Variants in LRP1B observed in about 807,000 individuals in gnomAD.
The protein encoded by LRP1B is LDL receptor related protein 1B.
LRP1B carries 217 observed loss-of-function variants against 556.6 expected under a neutral mutation model. The observed-to-expected ratio is 0.39, with a 90% CI of 0.35 to 0.44. The LOEUF (loss-of-function observed/expected upper bound fraction) is 0.44, where lower values mean the gene tolerates loss of function less well. Ranked by LOEUF, LRP1B falls within the 20% of genes least tolerant of loss-of-function variation. LRP1B has a pLI of 1.00. For synonymous variants in LRP1B, 2,047 were observed against 1,865.8 expected (o/e 1.10, Z -2.50); for missense variants, 5,053 against 5,620.8 (o/e 0.90, Z 3.23).
At chr2:142,097,432 C>A (rs963040356) in intron 1 of LRP1B, among the ~76,000 whole-genome samples, 1 of 151,292 alleles carries the variant, frequency 6.6e-6, no homozygotes, top group African/African-American at 2.4e-5. Flanking sequence ...AAAAAAGAAG[C>A]AACAGTTTAC....
intron 31 of LRP1B, among the ~76,000 whole-genome samples, chr2:140,821,122 T>G (rs1691314967): frequency 1.3e-5 from 2 of 152,118 alleles, no homozygotes; most frequent in South Asian, 4.1e-4. Flanking sequence ...CTCATTCAAA[T>G]GGCTTTTAAT....
chr2:140,696,338 A>C (rs1574251825), intron 41 of LRP1B, among the ~76,000 whole-genome samples: 1 of 152,252 alleles, frequency 6.6e-6, no homozygotes, highest in East Asian at 1.9e-4. Context: ...GGTTAAGCAA[A>C]GGGCAACTTC....
At chr2:141,250,306 C>T (rs1052381195) in intron 4 of LRP1B, among the ~76,000 whole-genome samples, 1 of 152,050 alleles carries the variant, frequency 6.6e-6, no homozygotes, top group Admixed American at 6.6e-5. Context: ...CATGAAAATA[C>T]CAAACAGTGG....
intron 2 of LRP1B, among the ~76,000 whole-genome samples, chr2:141,701,011 T>G (rs1286837482): frequency 6.6e-6 from 1 of 151,834 alleles, no homozygotes; most frequent in Admixed American, 6.6e-5. Context: ...TCTTAGAATC[T>G]AATTCTCCTC....
chr2:141,657,380 T>A (rs934544265), intron 2 of LRP1B, among the ~76,000 whole-genome samples: 3 of 152,124 alleles, frequency 2.0e-5, no homozygotes, highest in African/African-American at 7.2e-5. Flanking sequence ...CAAATAAATT[T>A]TATTCTTGGC....
At chr2:140,969,022 G>C (rs1326056293) in intron 18 of LRP1B, among the ~76,000 whole-genome samples, 1 of 152,202 alleles carries the variant, frequency 6.6e-6, no homozygotes. Flanking sequence ...TTGGGGTGGA[G>C]AGTTCTGTAG....
intron 31 of LRP1B, among the ~76,000 whole-genome samples, chr2:140,838,752 C>T (rs1692002857): frequency 6.6e-6 from 1 of 151,984 alleles, no homozygotes; most frequent in Non-Finnish European, 1.5e-5. Flanking sequence ...TTGAGGCTTA[C>T]TAAATTTTTA....
chr2:142,081,418 G>A (rs549359916), intron 1 of LRP1B, among the ~76,000 whole-genome samples: 1 of 152,046 alleles, frequency 6.6e-6, no homozygotes, highest in East Asian at 1.9e-4. Context: ...AACATACCTT[G>A]TGCTCTCAAA....
intron 60 of LRP1B, among the ~76,000 whole-genome samples, chr2:140,467,296 A>G (rs2105336931): frequency 6.6e-6 from 1 of 152,168 alleles, no homozygotes; most frequent in East Asian, 1.9e-4. Flanking sequence ...ATATGTTGAC[A>G]CCTAATATCT....
chr2:141,128,022 C>T (rs59847983), intron 7 of LRP1B, among the ~76,000 whole-genome samples: 3,702 of 152,138 alleles, frequency 0.024, 149 homozygotes, highest in African/African-American at 0.084. Context: ...CATGTTTTTG[C>T]TATATTGCCT....
intron 11 of LRP1B, among the ~76,000 whole-genome samples, chr2:141,040,887 C>A (rs996620492): frequency 1.2e-4 from 19 of 152,094 alleles, no homozygotes; most frequent in African/African-American, 4.6e-4. Context: ...TTAAACACAT[C>A]TTTCGGAGAA....
chr2:141,136,967 GA>G (rs1455740333), intron 7 of LRP1B, among the ~76,000 whole-genome samples: 1 of 151,798 alleles, frequency 6.6e-6, no homozygotes, highest in African/African-American at 2.4e-5. Context: ...TGAAAGCAGA[GA>G]TTAAATTATG....
intron 3 of LRP1B, among the ~76,000 whole-genome samples, chr2:141,418,881 T>G (rs901189160): frequency 3.3e-5 from 5 of 152,094 alleles, no homozygotes; most frequent in Admixed American, 6.6e-5. Context: ...AGGAGGTCTT[T>G]CCATTATTTT....
intron 2 of LRP1B, among the ~76,000 whole-genome samples, chr2:141,544,381 T>TCTCCTCCTCCTCCTC (rs1170452147): frequency 5.0e-5 from 4 of 79,752 alleles, no homozygotes; most frequent in African/African-American, 1.7e-4. Context: ...TTCTTCTTCT[T>TCTCCTCCTCCTCCTC]CTCCTCCTCC....
At chr2:140,807,084 G>A (rs180926643) in intron 32 of LRP1B, among the ~76,000 whole-genome samples, 53 of 152,270 alleles carry the variant, frequency 3.5e-4, no homozygotes, top group Non-Finnish European at 6.6e-4. Context: ...ACTAAAAACT[G>A]AACAGTGACT....
chr2:140,890,051 T>C (rs1418411171), intron 23 of LRP1B, among the ~76,000 whole-genome samples: 1 of 151,980 alleles, frequency 6.6e-6, no homozygotes, highest in Non-Finnish European at 1.5e-5. Context: ...AATCTTTCTA[T>C]GGAGTAGAAT....
intron 32 of LRP1B, among the ~76,000 whole-genome samples, chr2:140,795,365 C>A (rs147733611): frequency 1.3e-3 from 201 of 152,198 alleles, no homozygotes; most frequent in Middle Eastern, 6.8e-3. Context: ...AACAATAACA[C>A]CCACAATTAA....
rs756295092 is a variant in LRP1B, at chr2:140,246,169, C to G, written c.13324+917G>C. 7.3e-4 allele frequency among the ~76,000 whole-genome samples: 111 copies of G among 151,356 alleles called. 1 individual carries two copies. The highest frequency in any genetic ancestry group is 1.4e-3 in the Non-Finnish European group (96 of 67,524). ...TATATTTTATACTTTAATAGTCTCTCTCCTTTTTCACTAACTCTGAAACAC... is the reference window on the plus strand; with the variant it reads ...TATATTTTATACTTTAATAGTCTCTGTCCTTTTTCACTAACTCTGAAACAC... On this transcript the variant is annotated intron_variant, in intron 87 of 90. Coordinates refer to ENST00000389484, the MANE Select transcript of LRP1B (RefSeq NM_018557.3).
chr2:142,065,709 G>A (rs1283309152), intron 1 of LRP1B, among the ~76,000 whole-genome samples: 1 of 151,226 alleles, frequency 6.6e-6, no homozygotes, highest in African/African-American at 2.4e-5. Context: ...TACTCGTTTG[G>A]CCTCAAACTG....
Sources: gnomAD v4.1 joint callset for allele counts (sites outside exome capture counted in the v4.1 genomes callset) on GRCh38, gnomAD v4.1.1 for gene constraint, MANE v1.5 for transcripts, NCBI Gene and HGNC (gene_info 2026-07-23, HGNC 2026-07-21) for gene names.